TAF13: variants seen among roughly 807,000 people sequenced by gnomAD.
The protein encoded by TAF13 is TATA-box binding protein associated factor 13, also known as transcription initiation factor TFIID subunit 13.
In TAF13, 9 loss-of-function variants were observed where a neutral mutation model predicts 18.7. The ratio of observed to expected loss-of-function variants is 0.48; its 90% CI spans 0.29 to 0.84. The LOEUF (loss-of-function observed/expected upper bound fraction) is 0.84. TAF13 is among the 40% of genes least tolerant of loss of function. The pLI, the probability that TAF13 is intolerant of heterozygous loss-of-function variation, is 0.08. For missense variants in TAF13, 105 were observed against 146.5 expected, an observed-to-expected ratio of 0.72 and a Z score of 1.46; for synonymous variants, 49 against 44.1, an observed-to-expected ratio of 1.11 and a Z score of -0.44.
At chr1:109,074,334 G>A (rs1236359920) in intron 2 of TAF13, among the ~76,000 whole-genome samples, 4 of 152,156 alleles carry the variant, frequency 2.6e-5, no homozygotes, top group African/African-American at 4.8e-5. Flanking sequence ...AATGGATTAA[G>A]GGCGGTGCAA....
At chr1:109,071,600 G>C (rs945431397) in intron 2 of TAF13, among the ~76,000 whole-genome samples, 9 of 151,794 alleles carry the variant, frequency 5.9e-5, no homozygotes, top group African/African-American at 2.2e-4. Flanking sequence ...ACAGAAGAGT[G>C]AGACCCTGTC....
At chr1:109,072,760 T>C (rs530653960) in intron 2 of TAF13, among the ~76,000 whole-genome samples, 1 of 141,468 alleles carries the variant, frequency 7.1e-6, no homozygotes, top group African/African-American at 2.7e-5. Context: ...GTCACTATAA[T>C]GCCTTACACG....
chr1:109,067,278 C>T (rs148090820), intron 2 of TAF13, among the ~76,000 whole-genome samples: 2,841 of 151,766 alleles, frequency 0.019, 87 homozygotes, highest in African/African-American at 0.065. Context: ...GGCAACATGG[C>T]GAAACCCTGT....
chr1:109,068,697 G>A (rs1418491452), intron 2 of TAF13, among the ~76,000 whole-genome samples: 1 of 151,966 alleles, frequency 6.6e-6, no homozygotes, highest in African/African-American at 2.4e-5. Flanking sequence ...CCAGTCCAGA[G>A]ACAAGCTTTA....
At chr1:109,067,195 C>T (rs1039172091) in intron 2 of TAF13, among the ~76,000 whole-genome samples, 5 of 152,124 alleles carry the variant, frequency 3.3e-5, no homozygotes, top group African/African-American at 9.7e-5. Context: ...CAGTGGCCCA[C>T]GCCTGTAAAC....
At chr1:109,071,494 C>T (rs1203196850) in intron 2 of TAF13, among the ~76,000 whole-genome samples, 1 of 151,490 alleles carries the variant, frequency 6.6e-6, no homozygotes, top group African/African-American at 2.4e-5. Context: ...CCTATAGTCC[C>T]AGCTATTCAG....
chr1:109,073,154 G>T (rs1442862271), intron 2 of TAF13, among the ~76,000 whole-genome samples: 2 of 152,146 alleles, frequency 1.3e-5, no homozygotes, highest in South Asian at 4.1e-4. Context: ...AGTCAAAGAA[G>T]CCTCTCTACT....
At chr1:109,069,269 A>G (rs1664009750) in intron 2 of TAF13, among the ~76,000 whole-genome samples, 1 of 152,154 alleles carries the variant, frequency 6.6e-6, no homozygotes, top group South Asian at 2.1e-4. Context: ...GCTTGGTTCC[A>G]GGACCTCCCG....
chr1:109,065,014 T>TACCC (rs943041497), intron 3 of TAF13, among the ~76,000 whole-genome samples: 82 of 152,280 alleles, frequency 5.4e-4, no homozygotes, highest in African/African-American at 1.7e-3. Flanking sequence ...TAATTTTGTG[T>TACCC]ACCCACCCAT....
chr1:109,074,974 A>G lies in TAF13; in HGVS notation c.106+13T>C. 1 of 1,583,550 alleles carries G rather than the reference A, an allele frequency of 6.3e-7. No homozygotes were observed. The highest frequency in any genetic ancestry group is 8.6e-7 in the Non-Finnish European group (1 of 1,168,686). On this transcript the variant is annotated intron_variant, in intron 2 of 3. Coordinates refer to ENST00000338366, the MANE Select transcript of TAF13 (RefSeq NM_005645.4). Reference sequence around the variant, plus strand: ...CATCATCTATAACAAAATCATTGTCAAATACTACTTACATTCTTTAGAAAA... The same window carrying G: ...CATCATCTATAACAAAATCATTGTCGAATACTACTTACATTCTTTAGAAAA...
intron 2 of TAF13, among the ~76,000 whole-genome samples, chr1:109,072,483 C>T (rs944793101): frequency 6.6e-6 from 1 of 152,114 alleles, no homozygotes; most frequent in African/African-American, 2.4e-5. Flanking sequence ...CTGGTTTCGT[C>T]ACCAAGGCTG....
At chr1:109,068,660 G>A (rs1034891068) in intron 2 of TAF13, among the ~76,000 whole-genome samples, 3 of 152,106 alleles carry the variant, frequency 2.0e-5, no homozygotes, top group Non-Finnish European at 2.9e-5. Flanking sequence ...GATCCACAGA[G>A]GTTCTTATCC....
At chr1:109,073,523 C>T (rs958834481) in intron 2 of TAF13, among the ~76,000 whole-genome samples, 3 of 152,176 alleles carry the variant, frequency 2.0e-5, no homozygotes, top group African/African-American at 4.8e-5. Context: ...TGCGCCGCCA[C>T]GCCTGACTGG....
At chr1:109,074,865 G>T in intron 2 of TAF13, 122 bp downstream of exon 2, 10 of 695,240 alleles carry the variant, frequency 1.4e-5, no homozygotes, top group Non-Finnish European at 1.9e-5. Context: ...AACAGAATTT[G>T]ATAGGCTAGT....
At chr1:109,069,222 C>CGT in intron 2 of TAF13, among the ~76,000 whole-genome samples, 1 of 150,392 alleles carries the variant, frequency 6.6e-6, no homozygotes, top group African/African-American at 2.5e-5. Flanking sequence ...TGTGTGTGTG[C>CGT]GCACATGTAT....
chr1:109,069,492 GT>G (rs532327901), intron 2 of TAF13, among the ~76,000 whole-genome samples: 55 of 151,254 alleles, frequency 3.6e-4, no homozygotes, highest in East Asian at 3.3e-3. Context: ...TAGAGGCACA[GT>G]TTTTTTTTCT....
chr1:109,064,514 CAA>C lies in TAF13; in HGVS notation c.*7_*8del, dbSNP rs997773389. The C allele has an allele frequency of 2.8e-6, 4 of 1,453,596 alleles. No homozygotes were observed. The African/African-American group carries it at 4.4e-5, about 16-fold the overall frequency. 90.0% of individuals were successfully genotyped at this position (1,453,596 alleles called of 1,614,324 possible). On this transcript the variant is annotated 3_prime_UTR_variant, in exon 4 of 4. Coordinates refer to ENST00000338366, the MANE Select transcript of TAF13 (RefSeq NM_005645.4). ...CCCAGATGGTAATTTTCGGAAACTA[CAA>C]AAAGTGTCAAGATCCATAATTTGCT...
intron 2 of TAF13, among the ~76,000 whole-genome samples, chr1:109,069,474 A>C (rs1664013863): frequency 6.6e-6 from 1 of 152,168 alleles, no homozygotes; most frequent in Non-Finnish European, 1.5e-5. Context: ...AAGTCTATAC[A>C]TATTCAATAG....
At chr1:109,072,985 A>C (rs1664102677) in intron 2 of TAF13, among the ~76,000 whole-genome samples, 1 of 149,822 alleles carries the variant, frequency 6.7e-6, no homozygotes, top group South Asian at 2.1e-4. Context: ...CACCCGCCTC[A>C]GTCTCCCAAA....
Sources: allele counts gnomAD v4.1 joint callset (sites outside exome capture counted in the v4.1 genomes callset), GRCh38; gene constraint gnomAD v4.1.1; transcripts MANE v1.5; gene names NCBI Gene and HGNC (gene_info 2026-07-23, HGNC 2026-07-21).